DLG2: variants seen among roughly 807,000 people sequenced by gnomAD.
The protein encoded by DLG2 is disks large homolog 2.
Under a neutral mutation model 132.5 loss-of-function variants are expected in DLG2, and 45 were observed. The observed-to-expected ratio is 0.34, with a 90% CI of 0.27 to 0.44. The LOEUF (loss-of-function observed/expected upper bound fraction) is 0.44. Ranked by LOEUF, DLG2 falls within the 20% of genes least tolerant of loss-of-function variation. The pLI is 1.00. For synonymous variants in DLG2, 424 were observed against 419.6 expected (o/e 1.01, Z -0.13); for missense variants, 1,045 against 1,196.9 (o/e 0.87, Z 1.87).
chr11:85,173,612 A>T (rs1447359902), intron 4 of DLG2, among the ~76,000 whole-genome samples: 1 of 152,206 alleles, frequency 6.6e-6, no homozygotes, highest in African/African-American at 2.4e-5. Context: ...AACAGGATCA[A>T]ATTCACACAT....
At chr11:83,483,246 A>AACTT (rs1304343708) in intron 22 of DLG2, 25 of 1,611,956 alleles carry the variant, frequency 1.6e-5, no homozygotes, top group African/African-American at 4.0e-5. Flanking sequence ...CATTCCTGGA[A>AACTT]ACTTACTCAG....
chr11:83,811,301 T>C (rs1002655863), intron 17 of DLG2, among the ~76,000 whole-genome samples: 1 of 152,168 alleles, frequency 6.6e-6, no homozygotes, highest in African/African-American at 2.4e-5. Context: ...TCATTTTTTC[T>C]GGACTAAATT....
chr11:83,774,963 C>G (rs367659682), intron 18 of DLG2, among the ~76,000 whole-genome samples: 1 of 147,216 alleles, frequency 6.8e-6, no homozygotes, highest in African/African-American at 2.7e-5. Flanking sequence ...CAAACTATTC[C>G]TAGAGCCAAA....
chr11:84,270,866 A>G (rs1185640747), intron 7 of DLG2, among the ~76,000 whole-genome samples: 1 of 152,212 alleles, frequency 6.6e-6, no homozygotes, highest in Non-Finnish European at 1.5e-5. Flanking sequence ...AAAGGAGGCA[A>G]TTATTTGAGC....
chr11:85,305,353 T>C (rs1670486229), intron 3 of DLG2, among the ~76,000 whole-genome samples: 2 of 152,188 alleles, frequency 1.3e-5, no homozygotes, highest in African/African-American at 4.8e-5. Context: ...CTCTGTTCTC[T>C]TTACCATAGC....
chr11:84,967,956 C>G (rs1566533330), intron 6 of DLG2, among the ~76,000 whole-genome samples: 1 of 151,890 alleles, frequency 6.6e-6, no homozygotes, highest in Non-Finnish European at 1.5e-5. Context: ...GTGGAATAAC[C>G]TAGAAAAGCC....
At chr11:85,619,787 T>C (rs919728519) in intron 2 of DLG2, among the ~76,000 whole-genome samples, 2 of 151,824 alleles carry the variant, frequency 1.3e-5, no homozygotes, top group South Asian at 2.1e-4. Context: ...TGAACCGAGA[T>C]TGCGCAACTG....
intron 7 of DLG2, among the ~76,000 whole-genome samples, chr11:84,322,971 G>A (rs2098412821): frequency 6.6e-6 from 1 of 151,936 alleles, no homozygotes; most frequent in Non-Finnish European, 1.5e-5. Context: ...TCGCAATCAA[G>A]TCACAAATTT....
chr11:85,246,358 A>G (rs548753336), intron 4 of DLG2, among the ~76,000 whole-genome samples: 1 of 152,144 alleles, frequency 6.6e-6, no homozygotes, highest in East Asian at 1.9e-4. Flanking sequence ...GTTAGAAAAC[A>G]GGTCAGTAAG....
At chr11:84,407,777 T>C (rs571921952) in intron 7 of DLG2, among the ~76,000 whole-genome samples, 8 of 152,342 alleles carry the variant, frequency 5.3e-5, no homozygotes, top group African/African-American at 1.9e-4. Context: ...TTTTTCAAGG[T>C]TGCACCGATA....
At chr11:85,543,094 C>T (rs963025236) in intron 3 of DLG2, among the ~76,000 whole-genome samples, 5 of 151,958 alleles carry the variant, frequency 3.3e-5, no homozygotes, top group African/African-American at 1.2e-4. Flanking sequence ...CCTATCAACC[C>T]GTCATCTACA....
At chr11:84,813,914 A>C (rs1370789238) in intron 6 of DLG2, among the ~76,000 whole-genome samples, 1 of 151,942 alleles carries the variant, frequency 6.6e-6, no homozygotes, top group Non-Finnish European at 1.5e-5. Flanking sequence ...CTCTTCTATC[A>C]TTTGGAAATA....
At chr11:84,312,764 G>C (rs968909847) in intron 7 of DLG2, among the ~76,000 whole-genome samples, 1 of 152,078 alleles carries the variant, frequency 6.6e-6, no homozygotes, top group Non-Finnish European at 1.5e-5. Context: ...TAGTAGGAGA[G>C]ATATCTACTT....
chr11:84,940,237 G>A (rs542304556), intron 6 of DLG2, among the ~76,000 whole-genome samples: 6 of 152,140 alleles, frequency 3.9e-5, no homozygotes, highest in South Asian at 4.1e-4. Flanking sequence ...TGCAACCCCC[G>A]CCTCCTGGGT....
intron 4 of DLG2, among the ~76,000 whole-genome samples, chr11:85,243,566 T>C (rs1045410255): frequency 3.3e-5 from 5 of 152,010 alleles, no homozygotes; most frequent in African/African-American, 7.2e-5. Context: ...TCACTTAAGC[T>C]TTCTAGTTTT....
intron 11 of DLG2, among the ~76,000 whole-genome samples, chr11:83,995,862 A>T (rs2093994938): frequency 6.6e-6 from 1 of 152,216 alleles, no homozygotes; most frequent in Non-Finnish European, 1.5e-5. Context: ...ACCTGAAACC[A>T]TGAAACTACT....
intron 6 of DLG2, among the ~76,000 whole-genome samples, chr11:84,901,024 T>G (rs1187949834): frequency 6.6e-6 from 1 of 152,044 alleles, no homozygotes; most frequent in Non-Finnish European, 1.5e-5. Context: ...CGAGTCCATA[T>G]GTAAATTAGC....
chr11:85,162,868 A>C (rs1594964413), intron 4 of DLG2, among the ~76,000 whole-genome samples: 1 of 152,324 alleles, frequency 6.6e-6, no homozygotes, highest in East Asian at 1.9e-4. Context: ...AAGAATTCAA[A>C]GTATTGATCC....
At chr11:84,605,363 T>C (rs550333290) in intron 6 of DLG2, among the ~76,000 whole-genome samples, 2 of 152,076 alleles carry the variant, frequency 1.3e-5, no homozygotes, top group South Asian at 4.1e-4. Context: ...AGGAAGTCTA[T>C]ACCAAGTTAT....
Sources: allele counts gnomAD v4.1 joint callset (sites outside exome capture counted in the v4.1 genomes callset), GRCh38; gene constraint gnomAD v4.1.1; transcripts MANE v1.5; gene names NCBI Gene and HGNC (gene_info 2026-07-23, HGNC 2026-07-21).